Variants in TYW1B observed in about 807,000 individuals in gnomAD.
The protein encoded by TYW1B is tRNA-yW synthesizing protein 1 homolog B.
Under a neutral mutation model 86.9 loss-of-function variants are expected in TYW1B, and 73 were observed. The ratio of observed to expected loss-of-function variants is 0.84; its 90% CI spans 0.70 to 1.02. The LOEUF (loss-of-function observed/expected upper bound fraction) is 1.02. Ranked by LOEUF, TYW1B falls within the 50% of genes least tolerant of loss-of-function variation. The pLI is 0.00. For missense variants in TYW1B, 637 were observed against 827.4 expected, an observed-to-expected ratio of 0.77 and a Z score of 2.82; for synonymous variants, 248 against 292.8, an observed-to-expected ratio of 0.85 and a Z score of 1.56.
At chr7:72,659,896 C>T (rs1282686071) in intron 11 of TYW1B, among the ~76,000 whole-genome samples, 6 of 152,110 alleles carry the variant, frequency 3.9e-5, no homozygotes, top group Admixed American at 3.3e-4. Flanking sequence ...ATGAGTAAAG[C>T]CTTAGCAGAG....
At chr7:72,802,765 C>T (rs1325796410) in intron 5 of TYW1B, among the ~76,000 whole-genome samples, 1 of 152,070 alleles carries the variant, frequency 6.6e-6, no homozygotes, top group Non-Finnish European at 1.5e-5. Context: ...GGATCACAGG[C>T]GCCTACCACC....
At chr7:72,744,421 G>A (rs1360215520) in intron 8 of TYW1B, 63 bp downstream of exon 8, 10 of 1,472,062 alleles carry the variant, frequency 6.8e-6, no homozygotes, top group Admixed American at 6.8e-5. Context: ...AGTGTGAGCT[G>A]GGCAGATTGA....
chr7:72,821,838 G>A (rs1401808264), intron 2 of TYW1B, among the ~76,000 whole-genome samples: 1 of 152,170 alleles, frequency 6.6e-6, no homozygotes, highest in Non-Finnish European at 1.5e-5. Context: ...AGAAAATTGG[G>A]AGTTCAGTTT....
At chr7:72,737,737 T>G (rs1585942609) in intron 8 of TYW1B, among the ~76,000 whole-genome samples, 1 of 152,116 alleles carries the variant, frequency 6.6e-6, no homozygotes, top group African/African-American at 2.4e-5. Flanking sequence ...TCAAACTCTG[T>G]AAGCACATAC....
intron 7 of TYW1B, among the ~76,000 whole-genome samples, chr7:72,750,618 GCTA>G (rs1168391387): frequency 6.6e-6 from 1 of 151,972 alleles, no homozygotes; most frequent in Non-Finnish European, 1.5e-5. Flanking sequence ...TCAAATTTGG[GCTA>G]CTTTCAACCA....
At chr7:72,714,436 G>C (rs1252433103) in intron 9 of TYW1B, among the ~76,000 whole-genome samples, 1 of 151,070 alleles carries the variant, frequency 6.6e-6, no homozygotes, top group Non-Finnish European at 1.5e-5. Context: ...GGGCAATATA[G>C]TGAGACCTTG....
chr7:72,810,807 CCTGA>C (rs569707596), intron 3 of TYW1B, 142 bp from the exon 4 acceptor site: 102 of 1,221,282 alleles, frequency 8.4e-5, no homozygotes, highest in Admixed American at 3.2e-4. Flanking sequence ...AAGTGAAGGG[CCTGA>C]CTAAGAAACA....
chr7:72,586,261 G>C (rs1465110873), intron 13 of TYW1B, among the ~76,000 whole-genome samples: 1 of 152,162 alleles, frequency 6.6e-6, no homozygotes, highest in African/African-American at 2.4e-5. Flanking sequence ...TATGCACAGA[G>C]TGCTGCCAAC....
intron 12 of TYW1B, among the ~76,000 whole-genome samples, chr7:72,622,636 CACACATACAG>C (rs1189937413): frequency 4.6e-5 from 7 of 152,014 alleles, no homozygotes; most frequent in African/African-American, 1.7e-4. Context: ...CACAAACACA[CACACATACAG>C]ACACATACCA....
chr7:72,754,391 T>C (rs1292103348), intron 7 of TYW1B, among the ~76,000 whole-genome samples: 1 of 151,522 alleles, frequency 6.6e-6, no homozygotes, highest in African/African-American at 2.4e-5. Context: ...TCTGCCCACC[T>C]CGGCCTCCCA....
chr7:72,711,855 C>CTT (rs71069101), intron 10 of TYW1B, among the ~76,000 whole-genome samples: 208 of 147,314 alleles, frequency 1.4e-3, no homozygotes, highest in African/African-American at 4.0e-3. Context: ...TCAAAAAGAT[C>CTT]TTTTTTTTTT....
chr7:72,677,992 G>A (rs1348640872), intron 11 of TYW1B, among the ~76,000 whole-genome samples: 31 of 152,024 alleles, frequency 2.0e-4, no homozygotes, highest in Admixed American at 1.6e-3. Flanking sequence ...GTGAGCCACC[G>A]CACCCAGCAC....
intron 6 of TYW1B, among the ~76,000 whole-genome samples, chr7:72,785,156 A>G (rs1788106267): frequency 6.6e-6 from 1 of 151,960 alleles, no homozygotes; most frequent in African/African-American, 2.4e-5. Context: ...AATTATCTTC[A>G]GTCCTAGAAG....
intron 2 of TYW1B, among the ~76,000 whole-genome samples, chr7:72,825,455 C>G (rs2903660): frequency 0.8 from 121,324 of 152,134 alleles, 48,469 homozygotes; most frequent in African/African-American, 0.81. Flanking sequence ...GAGGCAGGCG[C>G]ATCACCTGAG....
intron 6 of TYW1B, among the ~76,000 whole-genome samples, chr7:72,781,180 T>C (rs1374306780): frequency 6.6e-6 from 1 of 152,038 alleles, no homozygotes; most frequent in Non-Finnish European, 1.5e-5. Context: ...CGAGCACAGA[T>C]GAACCCAGTG....
At chr7:72,665,162 A>C (rs1554445056) in intron 11 of TYW1B, among the ~76,000 whole-genome samples, 1 of 152,214 alleles carries the variant, frequency 6.6e-6, no homozygotes, top group African/African-American at 2.4e-5. Context: ...CTGTCTAACA[A>C]GATGTAAATG....
chr7:72,632,380 A>ACG lies in TYW1B; in HGVS notation c.1507-3384_1507-3383insCG, dbSNP rs1812535245. Among the ~76,000 whole-genome samples the ACG allele has an allele frequency of 2.6e-5, 3 of 114,690 alleles. 1 individual carries two copies. The highest frequency in any genetic ancestry group is 7.7e-5 in the African/African-American group (2 of 25,910). 75.2% of individuals were successfully genotyped at this position (114,690 alleles called of 152,430 possible). On this transcript the variant is annotated intron_variant, in intron 11 of 13. Transcript: ENST00000620995. ...TTATATATATACGCATATATATTAT[A>ACG]TATATACGTATATATATATAATATA...
At chr7:72,666,056 GTATGAT>G (rs1190586051) in intron 11 of TYW1B, among the ~76,000 whole-genome samples, 2 of 152,102 alleles carry the variant, frequency 1.3e-5, no homozygotes, top group East Asian at 3.8e-4. Context: ...TATGCACATA[GTATGAT>G]TATAACTATG....
chr7:72,815,193 G>A (rs1213969918), intron 3 of TYW1B, among the ~76,000 whole-genome samples, 187 bp downstream of exon 3: 3 of 151,700 alleles, frequency 2.0e-5, no homozygotes, highest in Non-Finnish European at 2.9e-5. Context: ...CCCACACCAC[G>A]TGAGAATCAG....
Sources: gnomAD v4.1 joint callset for allele counts (sites outside exome capture counted in the v4.1 genomes callset) on GRCh38, gnomAD v4.1.1 for gene constraint, MANE v1.5 for transcripts, NCBI Gene and HGNC (gene_info 2026-07-23, HGNC 2026-07-21) for gene names.